CD2AP: variants seen among roughly 807,000 people sequenced by gnomAD.
CD2AP encodes CD2 associated protein.
A neutral mutation model predicts 85.1 loss-of-function variants in CD2AP; 46 were observed. The observed-to-expected ratio is 0.54, with a 90% CI of 0.43 to 0.69. The LOEUF is 0.69. Among genes scored for constraint, CD2AP ranks in the 30% least tolerant of loss-of-function variants. The probability of loss-of-function intolerance (pLI) is 0.00; values close to 1 mark genes in which losing one functional copy is unlikely to be tolerated. For missense variants in CD2AP, 769 were observed against 729.5 expected, an observed-to-expected ratio of 1.05 and a Z score of -0.62; for synonymous variants, 255 against 252.9, an observed-to-expected ratio of 1.01 and a Z score of -0.08.
At chr6:47,606,929 G>A (rs1769292237) in intron 14 of CD2AP, among the ~76,000 whole-genome samples, 1 of 151,758 alleles carries the variant, frequency 6.6e-6, no homozygotes, top group Admixed American at 6.6e-5. Flanking sequence ...TCTACTTTTT[G>A]TACTCATTAA....
intron 14 of CD2AP, 29 bp downstream of exon 14, chr6:47,606,306 A>G: frequency 1.6e-6 from 2 of 1,245,468 alleles, no homozygotes; most frequent in South Asian, 2.4e-5. Flanking sequence ...CGTAAACTAC[A>G]GTATATTTAG....
chr6:47,568,725 C>T (rs560236304), intron 5 of CD2AP, among the ~76,000 whole-genome samples: 1 of 149,504 alleles, frequency 6.7e-6, no homozygotes, highest in East Asian at 2.0e-4. Flanking sequence ...GCCTGGGTGA[C>T]AGAGTGAGAC....
chr6:47,621,368 C>T (rs1476741042), intron 17 of CD2AP, among the ~76,000 whole-genome samples: 9 of 152,092 alleles, frequency 5.9e-5, no homozygotes, highest in Non-Finnish European at 1.3e-4. Flanking sequence ...TATGTTAAAC[C>T]ATCCCTGCAT....
intron 3 of CD2AP, among the ~76,000 whole-genome samples, chr6:47,543,164 AAAAAAAAAGAAAAAGAAAAAAG>A (rs1767271957): frequency 2.8e-5 from 4 of 144,700 alleles, no homozygotes; most frequent in Non-Finnish European, 6.1e-5. Context: ...AAAAAAAAAA[AAAAAAAAAGAAAAAGAAAAAAG>A]AAAAAAAAGA....
intron 3 of CD2AP, among the ~76,000 whole-genome samples, chr6:47,540,664 C>T (rs1308585566): frequency 6.6e-6 from 1 of 151,982 alleles, no homozygotes; most frequent in African/African-American, 2.4e-5. Context: ...TAAAATATAA[C>T]TAGGCTGCTC....
intron 6 of CD2AP, 30 bp downstream of exon 6, chr6:47,574,281 C>A (rs1490867016): frequency 1.9e-6 from 3 of 1,567,202 alleles, no homozygotes; most frequent in Admixed American, 3.3e-5. Flanking sequence ...TAGATTAACT[C>A]CACTCATTCT....
At chr6:47,571,940 C>T (rs888684978) in intron 5 of CD2AP, among the ~76,000 whole-genome samples, 8 of 152,134 alleles carry the variant, frequency 5.3e-5, no homozygotes, top group African/African-American at 1.4e-4. Context: ...TGCCAGCACT[C>T]GTTAAAGTAG....
In CD2AP at chr6:47,624,355, T is replaced by C. The variant is rs899483605; in HGVS notation, c.*128T>C. On this transcript the variant is annotated 3_prime_UTR_variant, in exon 18 of 18. Coordinates refer to ENST00000359314, the MANE Select transcript of CD2AP (RefSeq NM_012120.3). ...AAATATGAGCAAATGAAGTGTAATA[T>C]CTATAGAAAAGTAGAGTGAGGGTGA... The C allele has an allele frequency of 1.5e-5, 11 of 756,486 alleles. No individual in the cohort carries two copies. The highest frequency in any genetic ancestry group is 2.1e-5 in the Admixed American group (1 of 46,906). 46.9% of individuals were successfully genotyped at this position (756,486 alleles called of 1,614,324 possible). A position where few individuals can be genotyped will look rare whatever the true frequency, so the allele number is the denominator to read the frequency against.
At chr6:47,493,960 A>G (rs1017068118) in intron 1 of CD2AP, among the ~76,000 whole-genome samples, 1 of 151,166 alleles carries the variant, frequency 6.6e-6, no homozygotes, top group African/African-American at 2.4e-5. Context: ...TTTTTCTTAC[A>G]TGTTGTCTGC....
intron 5 of CD2AP, among the ~76,000 whole-genome samples, chr6:47,561,475 T>A (rs1309572982): frequency 6.6e-6 from 1 of 151,896 alleles, no homozygotes; most frequent in Non-Finnish European, 1.5e-5. Flanking sequence ...AGGCAAACTT[T>A]TTTTTTTTTT....
intron 3 of CD2AP, among the ~76,000 whole-genome samples, chr6:47,540,715 C>G (rs1222901207): frequency 6.6e-6 from 1 of 151,988 alleles, no homozygotes; most frequent in African/African-American, 2.4e-5. Flanking sequence ...AATGAGTAGT[C>G]CATTTCACCT....
At chr6:47,488,117 A>G (rs1018420213) in intron 1 of CD2AP, among the ~76,000 whole-genome samples, 2 of 151,610 alleles carry the variant, frequency 1.3e-5, no homozygotes, top group African/African-American at 2.4e-5. Context: ...AGAATCAATA[A>G]TCAGTGATGT....
intron 1 of CD2AP, among the ~76,000 whole-genome samples, chr6:47,490,746 A>G (rs1562000723): frequency 6.6e-6 from 1 of 152,140 alleles, no homozygotes; most frequent in Non-Finnish European, 1.5e-5. Flanking sequence ...CTGTGTAAAA[A>G]TTTCCTTATA....
Position 47,609,007 on chromosome 6 carries a change from T to C in CD2AP, c.1633-116T>C. 3 of 718,198 alleles carry C rather than the reference T, an allele frequency of 4.2e-6. No individual in the cohort carries two copies. The Admixed American group carries it at 9.1e-5, about 22-fold the overall frequency. The allele number at this position is 718,198 out of a possible 1,614,324, so 44.5% of individuals were successfully genotyped here. On this transcript the variant is annotated intron_variant, in intron 15 of 17. Transcript: ENST00000359314. ...TGTGAACATCAAATTGCTTTTGAAT[T>C]TCCAAATTTGCCACTTATCTTGAAG...
chr6:47,479,723 A>G lies in CD2AP; in HGVS notation c.4+1475A>G, dbSNP rs1212629548. On this transcript the variant is annotated intron_variant, in intron 1 of 17. Coordinates refer to ENST00000359314, the MANE Select transcript of CD2AP (RefSeq NM_012120.3). ...ATGGGATGCAGAATAAAATTAAACT[A>G]CTTTGGATGACCTGGGGATGCAGTC... Among the ~76,000 whole-genome samples, 3 of 152,204 alleles carry G rather than the reference A, an allele frequency of 2.0e-5. No homozygotes were observed. The East Asian group carries it at 5.8e-4, about 29-fold the overall frequency.
chr6:47,609,337 A>G (rs1769363044), intron 16 of CD2AP, 33 bp downstream of exon 16: 6 of 1,504,150 alleles, frequency 4.0e-6, no homozygotes, highest in Non-Finnish European at 5.6e-6. Flanking sequence ...TGTGAGTACT[A>G]CTTAACCCAT....
At chr6:47,532,238 G>A (rs868041873) in intron 2 of CD2AP, among the ~76,000 whole-genome samples, 7 of 151,682 alleles carry the variant, frequency 4.6e-5, no homozygotes, top group Middle Eastern at 3.4e-3. Flanking sequence ...CAGTACTTCG[G>A]GAGGCAGGGT....
chr6:47,608,874 T>G (rs1010503243), intron 15 of CD2AP, among the ~76,000 whole-genome samples: 1 of 152,196 alleles, frequency 6.6e-6, no homozygotes, highest in Non-Finnish European at 1.5e-5. Context: ...ATACATTTGA[T>G]GGATTTTTCT....
At chr6:47,562,246 T>C (rs1478535843) in intron 5 of CD2AP, among the ~76,000 whole-genome samples, 1 of 152,194 alleles carries the variant, frequency 6.6e-6, no homozygotes, top group African/African-American at 2.4e-5. Context: ...CAATAAACTA[T>C]GAGTATAGAA....
Sources: allele counts gnomAD v4.1 joint callset (sites outside exome capture counted in the v4.1 genomes callset), GRCh38; gene constraint gnomAD v4.1.1; transcripts MANE v1.5; gene names NCBI Gene and HGNC (gene_info 2026-07-23, HGNC 2026-07-21).